The following DNAH2 variants were observed in gnomAD, a reference collection of about 807,000 sequenced individuals.
The protein encoded by DNAH2 is axonemal beta dynein heavy chain 2.
Under a neutral mutation model 523.5 loss-of-function variants are expected in DNAH2, and 323 were observed. That is an observed-to-expected ratio of 0.62 (90% CI 0.56 to 0.68). The LOEUF (loss-of-function observed/expected upper bound fraction) is 0.68, where lower values mean the gene tolerates loss of function less well. Ranked by LOEUF, DNAH2 falls within the 30% of genes least tolerant of loss-of-function variation. DNAH2 has a pLI of 0.00. For synonymous variants in DNAH2, 2,093 were observed against 2,177.4 expected (o/e 0.96, Z 1.08); for missense variants, 4,907 against 5,701.5 (o/e 0.86, Z 4.49).
In DNAH2 at chr17:7,798,465, C is replaced by A; in HGVS notation, c.8399-93C>A. 6.4e-7 allele frequency: 1 copy of A among 1,554,480 alleles called. No homozygotes were observed. The highest frequency in any genetic ancestry group is 2.3e-5 in the East Asian group (1 of 44,102). On this transcript the variant is annotated intron_variant, in intron 54 of 85. Transcript: ENST00000572933. The surrounding 1 kb of genome is among the most constrained non-coding windows in gnomAD (Gnocchi z 5.5). ...GTAGGATGGTGTCGCGTGTATGCTG[C>A]GGGGCGGGGAGGGTTCCTAAATCTC...
Position 7,832,144 on chromosome 17 carries a change from T to G in DNAH2, c.12726+369T>G, listed in dbSNP as rs140432452. ...TCCTAGAAGTTGGCTTTGGAGAGCT[T>G]TGTTCACCTGTAGTTGGGGAACAGG... On this transcript the variant is annotated intron_variant, in intron 82 of 85. Transcript: ENST00000572933. The surrounding 1 kb of genome is among the most constrained non-coding windows in gnomAD (Gnocchi z 4.3). Among the ~76,000 whole-genome samples the G allele has an allele frequency of 6.6e-6, 1 of 152,284 alleles. No individual in the cohort carries two copies. Among genetic ancestry groups the G allele is most frequent in the African/African-American group, 2.4e-5 (1 of 41,556 alleles).
At chr17:7,814,078 G>A (rs2077591205) in intron 63 of DNAH2, among the ~76,000 whole-genome samples, 1 of 151,530 alleles carries the variant, frequency 6.6e-6, no homozygotes, top group Admixed American at 6.6e-5. Context: ...GGGAAACTAG[G>A]GCAGGGCCTG....
In DNAH2 at chr17:7,788,186, A is replaced by G. The variant is rs751128585; in HGVS notation, c.6842A>G (p.Tyr2281Cys). 2 of 1,612,434 alleles carry G rather than the reference A, an allele frequency of 1.2e-6. No homozygotes were observed. Among genetic ancestry groups the G allele is most frequent in the Non-Finnish European group, 1.7e-6 (2 of 1,179,276 alleles). The change falls in exon 44 of 86, where the codon TAC becomes TGC. Residue 2281 changes from tyrosine (Y) to cysteine (C), a missense_variant. Transcript: ENST00000572933. ...AAGGAGCTGGTGCCCCTGCCCGAGT[A>G]CAGCGGTATCACCTCCCTCTGCAAG... ...NCKELVPLPE[Y>C]SGITSLCKLY... is the part of the protein sequence containing the mutation.
At position 7,780,512 on chromosome 17, in the gene DNAH2, A is replaced by G; in HGVS notation, c.5851-118A>G. 1.4e-6 allele frequency: 2 copies of G among 1,461,946 alleles called. No homozygotes were observed. The highest frequency in any genetic ancestry group is 1.9e-5 in the Admixed American group (1 of 52,414). The allele number at this position is 1,461,946 out of a possible 1,614,324, so 90.6% of individuals were successfully genotyped here. A position where few individuals can be genotyped will look rare whatever the true frequency, so the allele number is the denominator to read the frequency against. On this transcript the variant is annotated intron_variant, in intron 37 of 85. Coordinates refer to ENST00000572933, the MANE Select transcript of DNAH2 (RefSeq NM_020877.5). This position sits in a 1 kb window ranked among gnomAD's most constrained non-coding sequence, Gnocchi z 4.4. Reference sequence around the variant, plus strand: ...ACAATTTCCTCAGGAGAATCCATAGAGTGCCTCCTAGCTGCTTCATGTCCT... The same window carrying G: ...ACAATTTCCTCAGGAGAATCCATAGGGTGCCTCCTAGCTGCTTCATGTCCT...
intron 50 of DNAH2, 112 bp downstream of exon 50, chr17:7,796,764 A>T: frequency 1.7e-6 from 2 of 1,182,460 alleles, no homozygotes; most frequent in Non-Finnish European, 2.3e-6. Flanking sequence ...AGTCACCCCC[A>T]TGCTGAAGTG....
At chr17:7,757,345 A>C in intron 13 of DNAH2, 108 bp downstream of exon 13, 4 of 1,379,856 alleles carry the variant, frequency 2.9e-6, no homozygotes, top group Admixed American at 2.5e-5. Context: ...TGTCCTCTAC[A>C]TCTTTTCCAT....
chr17:7,787,424 T>C, intron 42 of DNAH2: 1 of 282,846 alleles, frequency 3.5e-6, no homozygotes, highest in Non-Finnish European at 6.7e-6. Flanking sequence ...CAACCTTGAA[T>C]AAGCTCTAGT....
chr17:7,793,447 T>TTCTCTTTC (rs774059490), intron 48 of DNAH2, among the ~76,000 whole-genome samples: 1,287 of 96,494 alleles, frequency 0.013, 42 homozygotes, highest in African/African-American at 0.025. Context: ...CTTTCTTTCT[T>TTCTCTTTC]TTTCTTTCTT....
chr17:7,721,537 TC>T (rs2074607439), intron 2 of DNAH2, among the ~76,000 whole-genome samples: 1 of 151,778 alleles, frequency 6.6e-6, no homozygotes, highest in South Asian at 2.1e-4. Flanking sequence ...AGTTGGATCA[TC>T]TCACCTACTC....
chr17:7,833,411 A>G lies in DNAH2; in HGVS notation c.13162A>G (p.Asn4388Asp). The G allele has an allele frequency of 6.2e-7, 1 of 1,614,110 alleles. No individual in the cohort carries two copies. The change falls in exon 86 of 86, where the codon AAC (asparagine) becomes GAC (aspartate). Residue 4388 changes from asparagine (N) to aspartate (D), a missense_variant. Physicochemically the swap from Asn to Asp is conservative, Grantham distance 23 (BLOSUM62 1). Coordinates refer to ENST00000572933, the MANE Select transcript of DNAH2 (RefSeq NM_020877.5). ...MYSCPCYYYP[N>D]RAGSSDRASF... is the part of the protein sequence containing the mutation. ...CTCCTGCCCCTGCTATTACTATCCCAACCGGGCAGGCAGCTCAGACCGAGC... is the reference window on the plus strand; with the variant it reads ...CTCCTGCCCCTGCTATTACTATCCCGACCGGGCAGGCAGCTCAGACCGAGC...
intron 12 of DNAH2, chr17:7,743,526 C>T (rs1285820749): frequency 1.7e-6 from 1 of 605,746 alleles, no homozygotes; most frequent in Non-Finnish European, 2.9e-6. Flanking sequence ...ATTAGCTGGG[C>T]GTGGTGGCAC....
intron 52 of DNAH2, 68 bp from the exon 53 acceptor site, chr17:7,797,612 G>A: frequency 6.2e-7 from 1 of 1,613,838 alleles, no homozygotes; most frequent in Admixed American, 1.7e-5. Context: ...GGGGTCTGAA[G>A]TGTGGAGCCC....
At position 7,777,429 on chromosome 17, in the gene DNAH2, G is replaced by A; in HGVS notation, c.5059-17G>A. On this transcript the variant is annotated splice_polypyrimidine_tract_variant and intron_variant, in intron 32 of 85. Coordinates refer to ENST00000572933, the MANE Select transcript of DNAH2 (RefSeq NM_020877.5). Reference sequence around the variant, plus strand: ...CATTGCTCTGTCTGCTCTCTTCCCTGCTGCTTCATGCCACAGGTGTCAATC... The same window carrying A: ...CATTGCTCTGTCTGCTCTCTTCCCTACTGCTTCATGCCACAGGTGTCAATC... 6.2e-7 allele frequency: 1 copy of A among 1,613,980 alleles called. No individual in the cohort carries two copies. The highest frequency in any genetic ancestry group is 2.2e-5 in the East Asian group (1 of 44,874).
At chr17:7,758,724 A>G in intron 14 of DNAH2, 73 bp downstream of exon 14, 1 of 1,569,064 alleles carries the variant, frequency 6.4e-7, no homozygotes, top group Non-Finnish European at 8.6e-7. Flanking sequence ...TTGCATAGAG[A>G]TTGGGAAACC....
intron 12 of DNAH2, 169 bp downstream of exon 12, chr17:7,743,311 C>T (rs754586484): frequency 1.7e-5 from 13 of 747,200 alleles, no homozygotes; most frequent in Non-Finnish European, 3.1e-5. Flanking sequence ...TTGTCTCTCC[C>T]CACCTCCCAC....
At chr17:7,810,238 T>C (rs546272605) in intron 63 of DNAH2, among the ~76,000 whole-genome samples, 1 of 151,698 alleles carries the variant, frequency 6.6e-6, no homozygotes, top group South Asian at 2.1e-4. Context: ...TAATTTTTTA[T>C]ATTTTTTGTA....
intron 5 of DNAH2, among the ~76,000 whole-genome samples, chr17:7,733,950 G>C (rs150500239): frequency 2.6e-4 from 40 of 152,256 alleles, no homozygotes; most frequent in Non-Finnish European, 4.9e-4. Context: ...TTGAAGGCGC[G>C]ATACAGATCT....
chr17:7,817,984 G>A lies in DNAH2; in HGVS notation c.10275G>A (p.Leu3425=), dbSNP rs201239489. Reference sequence around the variant, plus strand: ...TCGACCTGCAGATGAGCGATTACCTGCGAATCCTAGAACACGCCATTCACT... The same window carrying A: ...TCGACCTGCAGATGAGCGATTACCTACGAATCCTAGAACACGCCATTCACT... The part of the protein sequence containing the change: ...KIIDLQMSDY[L]RILEHAIHFG... Residue 3425 remains leucine, a synonymous_variant, in exon 68 of 86, where the codon CTG becomes CTA. Transcript: ENST00000572933. 182 of 1,613,912 alleles carry A rather than the reference G, an allele frequency of 1.1e-4. No homozygotes were observed. Among genetic ancestry groups the A allele is most frequent in the East Asian group, 6.2e-4 (28 of 44,890 alleles).
In DNAH2 at chr17:7,771,361, A is replaced by C; in HGVS notation, c.4394A>C (p.Gln1465Pro). 6.2e-7 allele frequency: 1 copy of C among 1,614,168 alleles called. No homozygotes were observed. Among genetic ancestry groups the C allele is most frequent in the Non-Finnish European group, 8.5e-7 (1 of 1,180,024 alleles). Residue 1465 changes from glutamine to proline, a missense_variant, in exon 28 of 86, where the codon CAG becomes CCG. Coordinates refer to ENST00000572933, the MANE Select transcript of DNAH2 (RefSeq NM_020877.5). ...NIFLGEDIRK[Q>P]LPNESTLFDQ... is the part of the protein sequence containing the mutation. Reference sequence around the variant, plus strand: ...TTCCTAGGAGAAGACATCCGCAAGCAGCTGCCCAATGAATCGACCTTATTT... The same window carrying C: ...TTCCTAGGAGAAGACATCCGCAAGCCGCTGCCCAATGAATCGACCTTATTT...
Sources: allele counts gnomAD v4.1 joint callset (sites outside exome capture counted in the v4.1 genomes callset), GRCh38; gene constraint gnomAD v4.1.1; non-coding constraint Gnocchi (gnomAD v3.1); transcripts MANE v1.5; gene names NCBI Gene and HGNC (gene_info 2026-07-23, HGNC 2026-07-21).